The following NRG3 variants were observed in gnomAD, a reference collection of about 807,000 sequenced individuals.
NRG3 encodes the protein pro-neuregulin-3, membrane-bound isoform.
A neutral mutation model predicts 66.9 loss-of-function variants in NRG3; 31 were observed. That is an observed-to-expected ratio of 0.46 (90% CI 0.35 to 0.63). The LOEUF (loss-of-function observed/expected upper bound fraction) is 0.63. Ranked by LOEUF, NRG3 falls within the 20% of genes least tolerant of loss-of-function variation. NRG3 has a pLI of 0.00. For missense variants in NRG3, 910 were observed against 878.9 expected (o/e 1.04, Z -0.45); for synonymous variants, 393 against 359.4 (o/e 1.09, Z -1.06).
chr10:82,128,133 C>G (rs768700033), intron 1 of NRG3, among the ~76,000 whole-genome samples: 14 of 151,816 alleles, frequency 9.2e-5, no homozygotes, highest in Non-Finnish European at 1.5e-4. Context: ...CGTCGTGATT[C>G]CAATGGAAGA....
chr10:82,722,133 G>C (rs890334929), intron 2 of NRG3, among the ~76,000 whole-genome samples: 3 of 152,156 alleles, frequency 2.0e-5, no homozygotes, highest in Admixed American at 6.5e-5. Context: ...ATAGAAGAAA[G>C]TACATTGAAT....
intron 2 of NRG3, among the ~76,000 whole-genome samples, chr10:82,666,562 C>T (rs1489158199): frequency 6.6e-6 from 1 of 152,198 alleles, no homozygotes; most frequent in African/African-American, 2.4e-5. Flanking sequence ...ATCCATTTCA[C>T]TTTCATCTCC....
At position 82,192,049 on chromosome 10, in the gene NRG3, CA is replaced by C. The variant is rs555826500; in HGVS notation, c.824-166686del. ...AATGGTTCAAATTGATTTTCCTTCT[CA>C]AAACAGGAAAGGTCTGTTTTTCAAA... On this transcript the variant is annotated intron_variant, in intron 1 of 8. Transcript: ENST00000372141. Among the ~76,000 whole-genome samples the C allele has an allele frequency of 1.4e-4, 21 of 152,218 alleles. No individual in the cohort carries two copies. The South Asian group carries it at 2.3e-3, about 17-fold the overall frequency.
At chr10:82,501,037 A>G (rs371248625) in intron 2 of NRG3, among the ~76,000 whole-genome samples, 2 of 152,142 alleles carry the variant, frequency 1.3e-5, no homozygotes, top group African/African-American at 4.8e-5. Context: ...TAATAAATTT[A>G]ATTTGAACAT....
intron 4 of NRG3, among the ~76,000 whole-genome samples, chr10:82,882,097 G>A (rs968984377): frequency 6.6e-5 from 10 of 152,102 alleles, no homozygotes; most frequent in African/African-American, 9.7e-5. Flanking sequence ...GTCCATGCCC[G>A]TCTTTTCTGC....
intron 4 of NRG3, among the ~76,000 whole-genome samples, chr10:82,920,796 A>T (rs753774376): frequency 2.0e-5 from 3 of 152,178 alleles, no homozygotes; most frequent in Non-Finnish European, 4.4e-5. Context: ...CAAAGCTGGA[A>T]CAATTTGAGC....
rs188727255 is a variant in NRG3 at position 82,049,198 on chromosome 10, A to G, written c.823+173035A>G. On this transcript the variant is annotated intron_variant, in intron 1 of 8. Coordinates refer to ENST00000372141, the MANE Select transcript of NRG3 (RefSeq NM_001010848.4). ...CTTAGGTCTTTTCTCAGGTTAGGAA[A>G]CTCTTCTTCAAGTAAGGCTTTGATA... Among the ~76,000 whole-genome samples the G allele has an allele frequency of 1.1e-3, 167 of 152,092 alleles. 2 individuals carry two copies. In the South Asian group the frequency reaches 0.018, roughly 17 times the overall value.
intron 2 of NRG3, among the ~76,000 whole-genome samples, chr10:82,381,482 C>G (rs963663738): frequency 5.3e-5 from 8 of 152,086 alleles, no homozygotes; most frequent in African/African-American, 1.7e-4. Context: ...TTAAGTAACT[C>G]GTCCAAGCGG....
intron 1 of NRG3, among the ~76,000 whole-genome samples, chr10:81,890,574 A>G (rs1038854557): frequency 1.3e-5 from 2 of 152,200 alleles, no homozygotes; most frequent in African/African-American, 4.8e-5. Flanking sequence ...CATAGTGAAC[A>G]TATTCAGTCT....
chr10:82,004,364 G>C (rs114218305), intron 1 of NRG3, among the ~76,000 whole-genome samples: 3,569 of 152,218 alleles, frequency 0.023, 156 homozygotes, highest in African/African-American at 0.082. Context: ...CTAGTAGAGA[G>C]AAAGAAACTG....
chr10:82,074,350 G>A lies in NRG3; in HGVS notation c.823+198187G>A, dbSNP rs2064974038. On this transcript the variant is annotated intron_variant, in intron 1 of 8. Transcript: ENST00000372141. ...GGCTGGTAGGAAATACCAGTGGAGAGGAAGGTGGGATAGTAGAAACGTTGG... is the reference window on the plus strand; with the variant it reads ...GGCTGGTAGGAAATACCAGTGGAGAAGAAGGTGGGATAGTAGAAACGTTGG... Among the ~76,000 whole-genome samples the A allele has an allele frequency of 7.2e-5, 11 of 152,150 alleles. No homozygotes were observed. In the South Asian group the frequency reaches 2.3e-3, roughly 32 times the overall value.
intron 2 of NRG3, among the ~76,000 whole-genome samples, chr10:82,577,755 G>A (rs1358402445): frequency 6.6e-6 from 1 of 151,698 alleles, no homozygotes; most frequent in Non-Finnish European, 1.5e-5. Context: ...GGATTAGAAG[G>A]ACCATTGTTC....
In NRG3 at chr10:82,543,762, T is replaced by G. The variant is rs186601215; in HGVS notation, c.953+184894T>G. Reference sequence around the variant, plus strand: ...AGAATTTGAATGGATTATTCAAGGATTCATTCGTTCAGCTCCTGCACATCA... The same window carrying G: ...AGAATTTGAATGGATTATTCAAGGAGTCATTCGTTCAGCTCCTGCACATCA... On this transcript the variant is annotated intron_variant, in intron 2 of 8. Transcript: ENST00000372141. Among the ~76,000 whole-genome samples the G allele has an allele frequency of 1.6e-3, 243 of 152,298 alleles. 1 individual carries two copies. The highest frequency in any genetic ancestry group is 5.3e-3 in the African/African-American group (221 of 41,564).
chr10:82,467,913 G>C (rs750136878), intron 2 of NRG3, among the ~76,000 whole-genome samples: 2 of 152,000 alleles, frequency 1.3e-5, no homozygotes, highest in Non-Finnish European at 2.9e-5. Context: ...GTGTGTGTGT[G>C]TATGTGTGTG....
intron 1 of NRG3, among the ~76,000 whole-genome samples, chr10:82,067,295 A>G (rs1377237401): frequency 6.6e-6 from 1 of 152,178 alleles, no homozygotes; most frequent in African/African-American, 2.4e-5. Context: ...AAATTCATTT[A>G]TGTTAATTAT....
chr10:82,216,275 C>T (rs1395959438), intron 1 of NRG3, among the ~76,000 whole-genome samples: 1 of 151,766 alleles, frequency 6.6e-6, no homozygotes, highest in Non-Finnish European at 1.5e-5. Flanking sequence ...ACCACTGCGC[C>T]TGGCCTTTTT....
chr10:81,898,479 C>A (rs775824781), intron 1 of NRG3, among the ~76,000 whole-genome samples: 6 of 152,216 alleles, frequency 3.9e-5, no homozygotes, highest in Admixed American at 6.5e-5. Context: ...TTGGCTGAAT[C>A]TACTATCTGG....
At position 82,691,724 on chromosome 10, in the gene NRG3, G is replaced by A. The variant is rs190202852; in HGVS notation, c.954-46853G>A. The stretch of plus-strand genomic sequence containing the variant: ...AGTGTCAAACATTGCTCCAGGCATG[G>A]TACTTGCACTGTCTTGTTTAATTCT... On this transcript the variant is annotated intron_variant, in intron 2 of 8. Transcript: ENST00000372141. Among the ~76,000 whole-genome samples, 740 of 152,218 alleles carry A rather than the reference G, an allele frequency of 4.9e-3. 4 individuals carry two copies. The highest frequency in any genetic ancestry group is 0.017 in the Middle Eastern group (5 of 294).
At chr10:82,423,140 C>T (rs1281710799) in intron 2 of NRG3, among the ~76,000 whole-genome samples, 1 of 151,776 alleles carries the variant, frequency 6.6e-6, no homozygotes, top group Non-Finnish European at 1.5e-5. Context: ...GTTGGCTTGC[C>T]ACTTAAGATT....
Sources: allele counts gnomAD v4.1 joint callset (sites outside exome capture counted in the v4.1 genomes callset), GRCh38; gene constraint gnomAD v4.1.1; transcripts MANE v1.5; gene names NCBI Gene and HGNC (gene_info 2026-07-23, HGNC 2026-07-21).